Variants in CNTN1 observed in about 807,000 individuals in gnomAD.
The protein encoded by CNTN1 is contactin-1.
In CNTN1, 38 loss-of-function variants were observed where a neutral mutation model predicts 126.4. The observed-to-expected ratio is 0.30, with a 90% confidence interval of 0.23 to 0.39. CNTN1 has a LOEUF of 0.39. Ranked by LOEUF, CNTN1 falls within the 10% of genes least tolerant of loss-of-function variation. The pLI is 1.00. For missense variants in CNTN1, 1,009 were observed against 1,248.4 expected (o/e 0.81, Z 2.89); for synonymous variants, 413 against 422.6 (o/e 0.98, Z 0.28).
chr12:40,714,722 T>C (rs1048373689), intron 1 of CNTN1, among the ~76,000 whole-genome samples: 1 of 152,138 alleles, frequency 6.6e-6, no homozygotes, highest in African/African-American at 2.4e-5. Flanking sequence ...TAAAAGTGAC[T>C]ATATCATATG....
In CNTN1 at chr12:41,025,309, A is replaced by G. The variant is rs1253543758; in HGVS notation, c.2683A>G (p.Met895Val). Residue 895 changes from methionine to valine, a missense_variant, in exon 21 of 24, where the codon ATG becomes GTG. Transcript: ENST00000551295. ...NSAGCGPPSDMIEAFTKKAPP... is the reference protein window; with the variant it reads ...NSAGCGPPSDVIEAFTKKAPP... Reference sequence around the variant, plus strand: ...TGCAGGGTGTGGACCTCCAAGTGACATGATTGAGGCTTTCACCAAGAAAGC... The same window carrying G: ...TGCAGGGTGTGGACCTCCAAGTGACGTGATTGAGGCTTTCACCAAGAAAGC... 1.9e-6 allele frequency: 3 copies of G among 1,613,404 alleles called. No homozygotes were observed. Among genetic ancestry groups the G allele is most frequent in the East Asian group, 2.2e-5 (1 of 44,872 alleles).
At chr12:40,847,248 T>C (rs1334538036) in intron 1 of CNTN1, among the ~76,000 whole-genome samples, 1 of 152,188 alleles carries the variant, frequency 6.6e-6, no homozygotes, top group Non-Finnish European at 1.5e-5. Flanking sequence ...CCCATTTTTC[T>C]TCAATTAATA....
intron 1 of CNTN1, among the ~76,000 whole-genome samples, chr12:40,767,474 A>C (rs1003966030): frequency 7.3e-5 from 11 of 149,800 alleles, no homozygotes; most frequent in African/African-American, 2.5e-4. Flanking sequence ...TCGCCCAGCT[A>C]ATTTTCTGTA....
chr12:40,759,774 A>ATTTTTTTTTTTTTTTTTTTTT (rs33992864), intron 1 of CNTN1, among the ~76,000 whole-genome samples: 25 of 133,576 alleles, frequency 1.9e-4, no homozygotes, highest in African/African-American at 5.9e-4. Flanking sequence ...TGGCCCAGAT[A>ATTTTTTTTTTTTTTTTTTTTT]TTTTTTTTTT....
intron 1 of CNTN1, chr12:40,728,939 A>G (rs940781719): frequency 6.6e-6 from 1 of 152,510 alleles, no homozygotes; most frequent in African/African-American, 2.4e-5. Flanking sequence ...GCTGCTCACA[A>G]ATTATTACAT....
chr12:40,961,456 T>C (rs1276008140), intron 15 of CNTN1, among the ~76,000 whole-genome samples: 3 of 152,054 alleles, frequency 2.0e-5, no homozygotes, highest in African/African-American at 7.2e-5. Context: ...GTGAGCAATG[T>C]ATAAGACATG....
Position 40,918,771 on chromosome 12 carries a change from A to G in CNTN1, c.227A>G (p.Lys76Arg), listed in dbSNP as rs1355732702. The G allele has an allele frequency of 1.9e-6, 3 of 1,613,596 alleles. No individual in the cohort carries two copies. Among genetic ancestry groups the G allele is most frequent in the Non-Finnish European group, 2.5e-6 (3 of 1,179,584 alleles). Reference protein sequence around the residue: ...RARASPFPVYKWRMNNGDVDL... With the variant: ...RARASPFPVYRWRMNNGDVDL... ...CGAGCCAGCCCTTTCCCGGTTTACA[A>G]GTAATGTACCTCGCTTCTCTTTTCA... Residue 76 changes from lysine (K) to arginine (R), a missense_variant and splice_region_variant, in exon 4 of 24, where the codon AAA becomes AGA. Coordinates refer to ENST00000551295, the MANE Select transcript of CNTN1 (RefSeq NM_001843.4).
chr12:40,972,736 G>A (rs954962629), intron 15 of CNTN1: 115 of 818,984 alleles, frequency 1.4e-4, no homozygotes, highest in Non-Finnish European at 1.6e-4. Flanking sequence ...TTTGTAAGAT[G>A]TTTAAAATCA....
chr12:40,943,499 A>C (rs982534778), intron 12 of CNTN1, 98 bp from the exon 13 acceptor site: 16 of 909,396 alleles, frequency 1.8e-5, no homozygotes, highest in Non-Finnish European at 2.6e-5. Flanking sequence ...TTTATATAGA[A>C]TGTAATAATT....
intron 1 of CNTN1, among the ~76,000 whole-genome samples, chr12:40,886,348 C>T (rs1051978305): frequency 2.6e-5 from 4 of 152,098 alleles, no homozygotes; most frequent in Non-Finnish European, 5.9e-5. Flanking sequence ...ATTGATCTAT[C>T]AAATCCTGTG....
rs574328896 is a variant in CNTN1 at position 40,881,837 on chromosome 12, A to G, written c.-76-26520A>G. On this transcript the variant is annotated intron_variant, in intron 1 of 23. Coordinates refer to ENST00000551295, the MANE Select transcript of CNTN1 (RefSeq NM_001843.4). Reference sequence around the variant, plus strand: ...TAAAAAATGATAAAACTGATTTCACATATCAGTCATGTGTAGTTGGAGAAG... The same window carrying G: ...TAAAAAATGATAAAACTGATTTCACGTATCAGTCATGTGTAGTTGGAGAAG... Among the ~76,000 whole-genome samples the G allele has an allele frequency of 5.9e-5, 9 of 151,990 alleles. No individual in the cohort carries two copies. The East Asian group carries it at 1.2e-3, about 20-fold the overall frequency.
chr12:40,921,247 G>A (rs893598411), intron 4 of CNTN1, among the ~76,000 whole-genome samples: 1 of 150,512 alleles, frequency 6.6e-6, no homozygotes, highest in Non-Finnish European at 1.5e-5. Flanking sequence ...TAGGACTTTT[G>A]GGCATGATTA....
intron 17 of CNTN1, among the ~76,000 whole-genome samples, chr12:41,012,927 A>C (rs1401749171): frequency 6.6e-6 from 1 of 152,144 alleles, no homozygotes; most frequent in East Asian, 1.9e-4. Flanking sequence ...ATCTCACACC[A>C]GGAAAACTTA....
At chr12:40,801,898 C>A (rs964356673) in intron 1 of CNTN1, among the ~76,000 whole-genome samples, 2 of 151,262 alleles carry the variant, frequency 1.3e-5, no homozygotes. Flanking sequence ...AAGGCTATTT[C>A]AGGAGTCTAA....
chr12:40,741,474 A>T (rs1411212979), intron 1 of CNTN1, among the ~76,000 whole-genome samples: 1 of 152,084 alleles, frequency 6.6e-6, no homozygotes, highest in Non-Finnish European at 1.5e-5. Context: ...AATAAAAGTG[A>T]TAAACTAAAA....
chr12:40,882,864 TG>T (rs1943913671), intron 1 of CNTN1, among the ~76,000 whole-genome samples: 1 of 151,654 alleles, frequency 6.6e-6, no homozygotes, highest in Non-Finnish European at 1.5e-5. Context: ...TTACTTGCTT[TG>T]CACATATGAA....
In CNTN1 at chr12:40,908,452, T is replaced by A. The variant is rs1236575142; in HGVS notation, c.20T>A (p.Val7Asp). The part of the protein sequence containing the change: MKMWLL[V>D]SHLVIISITT... The stretch of plus-strand genomic sequence containing the variant: ...TACAAGATGAAAATGTGGTTGCTGG[T>A]CAGTCATCTTGTGATAATATCTATT... The change falls in exon 2 of 24, where the codon GTC becomes GAC. Residue 7 changes from valine (V) to aspartate (D), a missense_variant. Val to Asp is a radical substitution (Grantham distance 152). Transcript: ENST00000551295. 1.2e-6 allele frequency: 2 copies of A among 1,613,030 alleles called. No homozygotes were observed. Among genetic ancestry groups the A allele is most frequent in the Admixed American group, 3.3e-5 (2 of 60,008 alleles).
intron 1 of CNTN1, among the ~76,000 whole-genome samples, chr12:40,836,546 T>C (rs1288809954): frequency 6.6e-6 from 1 of 152,056 alleles, no homozygotes; most frequent in Non-Finnish European, 1.5e-5. Flanking sequence ...GAGCAAACTT[T>C]CTGTGAAATA....
chr12:40,794,472 T>C (rs1346772196), intron 1 of CNTN1, among the ~76,000 whole-genome samples: 3 of 151,910 alleles, frequency 2.0e-5, no homozygotes, highest in Non-Finnish European at 4.4e-5. Context: ...TGAGGAAATA[T>C]ATAATTTAAA....
Sources: allele counts gnomAD v4.1 joint callset (sites outside exome capture counted in the v4.1 genomes callset), GRCh38; gene constraint gnomAD v4.1.1; transcripts MANE v1.5; gene names NCBI Gene and HGNC (gene_info 2026-07-23, HGNC 2026-07-21).